Variants in TRPM6 observed in about 807,000 individuals in gnomAD.
The protein encoded by TRPM6 is channel kinase 2.
A neutral mutation model predicts 247.6 loss-of-function variants in TRPM6; 111 were observed. That is an observed-to-expected ratio of 0.45 (90% CI 0.38 to 0.52). The LOEUF (loss-of-function observed/expected upper bound fraction) is 0.52. Ranked by LOEUF, TRPM6 falls within the 20% of genes least tolerant of loss-of-function variation. The pLI is 0.00. For synonymous variants in TRPM6, 892 were observed against 853.8 expected (o/e 1.04, Z -0.78); for missense variants, 2,126 against 2,421.5 (o/e 0.88, Z 2.56).
At chr9:74,742,429 A>T in intron 33 of TRPM6, 132 bp downstream of exon 33, 1 of 824,520 alleles carries the variant, frequency 1.2e-6, no homozygotes, top group Non-Finnish European at 2.0e-6. Context: ...TTAGGAAATG[A>T]ATCTCACTAA....
At chr9:74,834,914 T>C (rs1587558715) in intron 5 of TRPM6, among the ~76,000 whole-genome samples, 3 of 152,276 alleles carry the variant, frequency 2.0e-5, no homozygotes, top group Non-Finnish European at 1.5e-5. Context: ...CATGTGTCTT[T>C]ATAGTAGCAT....
At chr9:74,837,623 T>C (rs555747980) in intron 5 of TRPM6, among the ~76,000 whole-genome samples, 18 of 152,192 alleles carry the variant, frequency 1.2e-4, no homozygotes, top group Admixed American at 3.3e-4. Flanking sequence ...ATTTTTTGTA[T>C]TTTTAGTAGA....
At chr9:74,850,861 G>T (rs961066554) in intron 3 of TRPM6, among the ~76,000 whole-genome samples, 10 of 152,188 alleles carry the variant, frequency 6.6e-5, no homozygotes, top group Admixed American at 6.5e-4. Context: ...AGTTAGAATG[G>T]TGTCATCTGA....
chr9:74,760,647 A>C (rs940702273), intron 27 of TRPM6, among the ~76,000 whole-genome samples: 4 of 152,216 alleles, frequency 2.6e-5, no homozygotes, highest in Non-Finnish European at 5.9e-5. Flanking sequence ...ATACCACTAC[A>C]CATTCATTAA....
intron 24 of TRPM6, among the ~76,000 whole-genome samples, chr9:74,774,624 CAT>C (rs1827155376): frequency 6.6e-6 from 1 of 152,182 alleles, no homozygotes; most frequent in African/African-American, 2.4e-5. Flanking sequence ...TACCTAAACA[CAT>C]AAATAGCCCG....
intron 4 of TRPM6, among the ~76,000 whole-genome samples, chr9:74,840,660 CA>C (rs1829905491): frequency 6.6e-6 from 1 of 151,634 alleles, no homozygotes; most frequent in Non-Finnish European, 1.5e-5. Flanking sequence ...ACTAAAAATA[CA>C]AAAAAATTAG....
At chr9:74,799,956 C>G (rs1320626135) in intron 17 of TRPM6, 2 of 424,404 alleles carry the variant, frequency 4.7e-6, no homozygotes. Context: ...GTTGATTCAG[C>G]TGATCTGGCT....
chr9:74,862,096 G>GA (rs577562437), intron 1 of TRPM6, among the ~76,000 whole-genome samples: 18,554 of 100,474 alleles, frequency 0.18, 2,301 homozygotes, highest in Middle Eastern at 0.32. Context: ...AAAACTACCA[G>GA]AAAAAAAAAA....
At position 74,762,449 on chromosome 9, in the gene TRPM6, C is replaced by T. The variant is rs139779010; in HGVS notation, c.4222G>A (p.Glu1408Lys). 7.1e-5 allele frequency: 114 copies of T among 1,614,046 alleles called. No homozygotes were observed. The highest frequency in any genetic ancestry group is 8.6e-5 in the Non-Finnish European group (102 of 1,180,042). The change falls in exon 26 of 39, where the codon GAG (glutamate) becomes AAG (lysine). Residue 1408 changes from glutamate to lysine, a missense_variant. Physicochemically the swap from Glu to Lys is moderately conservative, Grantham distance 56. Coordinates refer to ENST00000360774, the MANE Select transcript of TRPM6 (RefSeq NM_017662.5). ...CCATCCAGTAAGTGAGCAATAGGCT[C>T]GTGCTTTTCCTTGGGTTCATCCACT... Reference protein sequence around the residue: ...ASVDEPKEKHEPIAHLLDGQD... With the variant: ...ASVDEPKEKHKPIAHLLDGQD...
At chr9:74,842,066 G>A (rs949070344) in intron 4 of TRPM6, 100 bp downstream of exon 4, 94 of 1,327,816 alleles carry the variant, frequency 7.1e-5, no homozygotes, top group Middle Eastern at 5.1e-4. Context: ...CGCCGAGATC[G>A]TGCCATTGCA....
chr9:74,755,202 A>G, intron 28 of TRPM6, 151 bp downstream of exon 28: 1 of 889,970 alleles, frequency 1.1e-6, no homozygotes, highest in Non-Finnish European at 1.7e-6. Flanking sequence ...TGAAAAACAG[A>G]AAAATGCTAT....
intron 19 of TRPM6, among the ~76,000 whole-genome samples, chr9:74,791,292 G>T (rs1461639805): frequency 1.3e-5 from 2 of 152,144 alleles, no homozygotes; most frequent in Non-Finnish European, 2.9e-5. Context: ...TATTCAATAA[G>T]TATAGGAAAT....
intron 21 of TRPM6, among the ~76,000 whole-genome samples, chr9:74,785,615 C>T (rs1181370844): frequency 2.6e-5 from 4 of 152,120 alleles, no homozygotes; most frequent in East Asian, 1.9e-4. Context: ...CTCCGCCTCC[C>T]GGGTTCGTGC....
At chr9:74,744,807 G>A (rs1346638972) in intron 31 of TRPM6, among the ~76,000 whole-genome samples, 2 of 152,128 alleles carry the variant, frequency 1.3e-5, no homozygotes, top group African/African-American at 4.8e-5. Context: ...GGAGAACTTT[G>A]GTCTCATGAT....
At chr9:74,772,174 G>A (rs1464596932) in intron 24 of TRPM6, among the ~76,000 whole-genome samples, 1 of 152,148 alleles carries the variant, frequency 6.6e-6, no homozygotes, top group African/African-American at 2.4e-5. Context: ...AGCTACACAG[G>A]AAACTGAGGC....
intron 30 of TRPM6, among the ~76,000 whole-genome samples, chr9:74,749,644 G>A (rs1261252781): frequency 1.2e-4 from 19 of 152,164 alleles, no homozygotes. Flanking sequence ...TGCACAAGTG[G>A]CCACAGGCGA....
chr9:74,836,687 C>T (rs987764578), intron 5 of TRPM6, among the ~76,000 whole-genome samples: 1 of 152,192 alleles, frequency 6.6e-6, no homozygotes, highest in Non-Finnish European at 1.5e-5. Context: ...GGGCTCCTTG[C>T]TATGTAGAGA....
chr9:74,786,328 T>C (rs1827663343), intron 20 of TRPM6, among the ~76,000 whole-genome samples: 2 of 152,252 alleles, frequency 1.3e-5, no homozygotes, highest in Admixed American at 6.5e-5. Flanking sequence ...ATTTAAGTCA[T>C]TTGATAATAC....
chr9:74,773,076 G>A (rs1224199699), intron 24 of TRPM6, among the ~76,000 whole-genome samples: 4 of 152,050 alleles, frequency 2.6e-5, no homozygotes, highest in Non-Finnish European at 4.4e-5. Context: ...ACAGTGAGCC[G>A]AGATCGCTCC....
Sources: allele counts gnomAD v4.1 joint callset (sites outside exome capture counted in the v4.1 genomes callset), GRCh38; gene constraint gnomAD v4.1.1; transcripts MANE v1.5; gene names NCBI Gene and HGNC (gene_info 2026-07-23, HGNC 2026-07-21).